Variants in GLG1 observed in about 807,000 individuals in gnomAD.
GLG1 encodes Golgi apparatus protein 1.
Under a neutral mutation model 160.5 loss-of-function variants are expected in GLG1, and 38 were observed. The observed-to-expected ratio is 0.24, with a 90% CI of 0.18 to 0.31. The LOEUF (loss-of-function observed/expected upper bound fraction) is 0.31. Among genes scored for constraint, GLG1 ranks in the 10% least tolerant of loss-of-function variants. The pLI, the probability that GLG1 is intolerant of heterozygous loss-of-function variation, is 1.00. For synonymous variants in GLG1, 644 were observed against 543.4 expected, an observed-to-expected ratio of 1.19 and a Z score of -2.57; for missense variants, 1,373 against 1,505.2, an observed-to-expected ratio of 0.91 and a Z score of 1.45.
At chr16:74,467,952 C>T (rs2015059425) in intron 17 of GLG1, 104 bp from the exon 18 acceptor site, 2 of 720,066 alleles carry the variant, frequency 2.8e-6, no homozygotes, top group East Asian at 5.3e-5. Flanking sequence ...GTGACCCTGG[C>T]TTCTACATAG....
At position 74,584,872 on chromosome 16, in the gene GLG1, T is replaced by C. The variant is rs997358607; in HGVS notation, c.438+21785A>G. On this transcript the variant is annotated intron_variant, in intron 1 of 25. Coordinates refer to ENST00000422840, the MANE Select transcript of GLG1 (RefSeq NM_001145667.2). ...CAGAGGTTGCAGTGAGCTGAGATTG[T>C]GCCACTGCACTCCAGCCTGGCGACA... Among the ~76,000 whole-genome samples the C allele has an allele frequency of 2.6e-5, 4 of 151,488 alleles. No individual in the cohort carries two copies. The South Asian group carries it at 6.3e-4, about 24-fold the overall frequency.
At chr16:74,485,483 G>A (rs114650266) in intron 9 of GLG1, among the ~76,000 whole-genome samples, 1,849 of 152,224 alleles carry the variant, frequency 0.012, 35 homozygotes, top group African/African-American at 0.043. Flanking sequence ...TATCCTGAGT[G>A]TTTCTCTCTT....
intron 4 of GLG1, among the ~76,000 whole-genome samples, chr16:74,497,962 A>G (rs1271483290): frequency 6.6e-6 from 1 of 152,184 alleles, no homozygotes; most frequent in Non-Finnish European, 1.5e-5. Context: ...AAACCATCCA[A>G]TTATCTTTAA....
intron 2 of GLG1, among the ~76,000 whole-genome samples, chr16:74,530,433 G>A (rs2017497426): frequency 6.6e-6 from 1 of 152,294 alleles, no homozygotes; most frequent in East Asian, 1.9e-4. Flanking sequence ...TGTAGTCACT[G>A]TTGCAGTTAC....
At chr16:74,517,353 C>T (rs1175615072) in intron 2 of GLG1, among the ~76,000 whole-genome samples, 1 of 152,112 alleles carries the variant, frequency 6.6e-6, no homozygotes, top group Non-Finnish European at 1.5e-5. Context: ...TATCCACCAC[C>T]ATCAAGTTGG....
chr16:74,462,460 C>A, intron 21 of GLG1, 28 bp downstream of exon 21: 1 of 1,597,704 alleles, frequency 6.3e-7, no homozygotes, highest in East Asian at 2.2e-5. Flanking sequence ...CATAAATACA[C>A]CTTTGTGGAG....
At chr16:74,565,423 C>T (rs1387840979) in intron 1 of GLG1, among the ~76,000 whole-genome samples, 3 of 152,156 alleles carry the variant, frequency 2.0e-5, no homozygotes, top group Non-Finnish European at 4.4e-5. Context: ...ATTTTAAGTT[C>T]GGGCCTAAAG....
intron 1 of GLG1, among the ~76,000 whole-genome samples, chr16:74,560,000 A>G (rs1405551768): frequency 1.3e-5 from 2 of 152,232 alleles, no homozygotes; most frequent in Non-Finnish European, 2.9e-5. Context: ...TGTCACAACT[A>G]AAGAACCAAC....
Position 74,490,912 on chromosome 16 carries a change from C to A in GLG1, c.1449+89G>T. On this transcript the variant is annotated intron_variant, in intron 8 of 25. Coordinates refer to ENST00000422840, the MANE Select transcript of GLG1 (RefSeq NM_001145667.2). ...TGTTCAATGTGATACCACAGATGAT[C>A]CATATAAAGCAAGGTGGGACAGCAT... is the stretch of plus-strand genomic sequence containing the variant. The A allele has an allele frequency of 3.5e-6, 3 of 848,496 alleles. No homozygotes were observed. The East Asian group carries it at 7.3e-5, about 21-fold the overall frequency. 52.6% of individuals were successfully genotyped at this position (848,496 alleles called of 1,614,324 possible).
At chr16:74,544,246 G>A (rs1353409199) in intron 1 of GLG1, among the ~76,000 whole-genome samples, 1 of 152,186 alleles carries the variant, frequency 6.6e-6, no homozygotes, top group African/African-American at 2.4e-5. Flanking sequence ...AAAGAGATCT[G>A]GGAACAAATT....
intron 1 of GLG1, among the ~76,000 whole-genome samples, chr16:74,591,894 A>G (rs1425756986): frequency 1.3e-5 from 2 of 152,146 alleles, no homozygotes; most frequent in East Asian, 3.8e-4. Flanking sequence ...TTCCCCTTAT[A>G]CGTGGGAGCA....
At chr16:74,567,647 C>A (rs897685563) in intron 1 of GLG1, among the ~76,000 whole-genome samples, 1 of 143,180 alleles carries the variant, frequency 7.0e-6, no homozygotes, top group African/African-American at 2.6e-5. Context: ...CGGCTCACTG[C>A]AAGCTCCGCT....
chr16:74,573,347 T>A (rs2018891544), intron 1 of GLG1, among the ~76,000 whole-genome samples: 2 of 152,000 alleles, frequency 1.3e-5, no homozygotes, highest in Admixed American at 6.6e-5. Flanking sequence ...TTTTTAAAAA[T>A]TGCTTTTTAA....
chr16:74,464,512 T>A (rs2143198393), intron 19 of GLG1, among the ~76,000 whole-genome samples: 1 of 152,364 alleles, frequency 6.6e-6, no homozygotes, highest in Non-Finnish European at 1.5e-5. Flanking sequence ...CAGTGTCTGA[T>A]AAACTCTGGT....
intron 11 of GLG1, among the ~76,000 whole-genome samples, chr16:74,479,601 T>C (rs780153378): frequency 3.9e-5 from 6 of 152,144 alleles, no homozygotes; most frequent in Non-Finnish European, 7.3e-5. Context: ...AAGGGGTATT[T>C]CTAAGGATGG....
At chr16:74,558,820 C>T (rs2018423788) in intron 1 of GLG1, among the ~76,000 whole-genome samples, 2 of 152,174 alleles carry the variant, frequency 1.3e-5, no homozygotes, top group African/African-American at 4.8e-5. Flanking sequence ...TTAATTATGG[C>T]TTACAATAAA....
At chr16:74,468,392 C>T (rs1423858884) in intron 17 of GLG1, 1 of 155,154 alleles carries the variant, frequency 6.4e-6, no homozygotes, top group African/African-American at 2.4e-5. Context: ...TGTGCCACCA[C>T]AGCTGGCTAA....
chr16:74,504,081 G>T (rs1333817780), intron 3 of GLG1, among the ~76,000 whole-genome samples: 1 of 152,152 alleles, frequency 6.6e-6, no homozygotes, highest in Non-Finnish European at 1.5e-5. Context: ...CTTTGGCATG[G>T]TCCTATGAAG....
chr16:74,452,248 A>C lies in GLG1; in HGVS notation c.*919T>G. 1 of 1,511,362 alleles carries C rather than the reference A, an allele frequency of 6.6e-7. No homozygotes were observed. The highest frequency in any genetic ancestry group is 8.8e-7 in the Non-Finnish European group (1 of 1,130,114). 93.6% of individuals were successfully genotyped at this position (1,511,362 alleles called of 1,614,324 possible). ...AGTCCTGCCTCCTGATGAAGCGCAGAGCTTCCAGAGTGACTGTAGCCTCAG... is the reference window on the plus strand; with the variant it reads ...AGTCCTGCCTCCTGATGAAGCGCAGCGCTTCCAGAGTGACTGTAGCCTCAG... On this transcript the variant is annotated 3_prime_UTR_variant, in exon 26 of 26. Transcript: ENST00000422840.
Sources: gnomAD v4.1 joint callset for allele counts (sites outside exome capture counted in the v4.1 genomes callset) on GRCh38, gnomAD v4.1.1 for gene constraint, MANE v1.5 for transcripts, NCBI Gene and HGNC (gene_info 2026-07-23, HGNC 2026-07-21) for gene names.